ZNF521: variants seen among roughly 807,000 people sequenced by gnomAD.
ZNF521 encodes LYST-interacting protein 3.
In ZNF521, 14 loss-of-function variants were observed where a neutral mutation model predicts 105.5. The ratio of observed to expected loss-of-function variants is 0.13; its 90% confidence interval spans 0.09 to 0.21. The LOEUF (loss-of-function observed/expected upper bound fraction) is 0.21, where lower values mean the gene tolerates loss of function less well. Ranked by LOEUF, ZNF521 falls within the 10% of genes least tolerant of loss-of-function variation. ZNF521 has a pLI of 1.00. For synonymous variants in ZNF521, 635 were observed against 606.0 expected, an observed-to-expected ratio of 1.05 and a Z score of -0.70; for missense variants, 1,233 against 1,629.7, an observed-to-expected ratio of 0.76 and a Z score of 4.19.
chr18:25,142,450 C>A (rs1449488596), intron 5 of ZNF521, among the ~76,000 whole-genome samples: 1 of 152,170 alleles, frequency 6.6e-6, no homozygotes, highest in Non-Finnish European at 1.5e-5. Flanking sequence ...GAACTGGCCT[C>A]ATTCTCAGTG....
intron 4 of ZNF521, among the ~76,000 whole-genome samples, chr18:25,204,972 G>A (rs967111140): frequency 6.6e-6 from 1 of 151,838 alleles, no homozygotes. Flanking sequence ...ACTGACTGTT[G>A]AATGGACAAT....
In ZNF521 at chr18:25,312,762, G is replaced by A. The variant is rs1428660188; in HGVS notation, c.220+9246C>T. Among the ~76,000 whole-genome samples the A allele has an allele frequency of 1.9e-4, 7 of 36,444 alleles. 2 individuals carry two copies. The highest frequency in any genetic ancestry group is 4.2e-4 in the Non-Finnish European group (7 of 16,646). The allele number at this position is 36,444 out of a possible 152,430, so 23.9% of individuals were successfully genotyped here. On this transcript the variant is annotated intron_variant, in intron 3 of 7. Coordinates refer to ENST00000361524, the MANE Select transcript of ZNF521 (RefSeq NM_015461.3). ...GGAAGCGGAGCTTGCAGTGAGCCGAGATTGCGCCACTGCACTCCGCAGTCC... is the reference window on the plus strand; with the variant it reads ...GGAAGCGGAGCTTGCAGTGAGCCGAAATTGCGCCACTGCACTCCGCAGTCC...
At chr18:25,281,258 G>C (rs1232441757) in intron 3 of ZNF521, among the ~76,000 whole-genome samples, 3 of 152,196 alleles carry the variant, frequency 2.0e-5, no homozygotes, top group Non-Finnish European at 4.4e-5. Flanking sequence ...ACACACGTGA[G>C]GAAATTATGC....
chr18:25,200,158 A>G (rs1246154062), intron 4 of ZNF521, among the ~76,000 whole-genome samples: 1 of 152,122 alleles, frequency 6.6e-6, no homozygotes, highest in African/African-American at 2.4e-5. Flanking sequence ...TAAATTTACA[A>G]TTACATTTTA....
At chr18:25,182,890 T>C (rs1051068570) in intron 5 of ZNF521, among the ~76,000 whole-genome samples, 7 of 152,162 alleles carry the variant, frequency 4.6e-5, no homozygotes, top group Non-Finnish European at 8.8e-5. Context: ...CTGATAAGCA[T>C]GGAAAGGTTT....
At chr18:25,343,709 C>CA (rs1473913273) in intron 2 of ZNF521, among the ~76,000 whole-genome samples, 4 of 152,078 alleles carry the variant, frequency 2.6e-5, no homozygotes, top group Non-Finnish European at 5.9e-5. Flanking sequence ...AACACATACA[C>CA]ACATAAAAAT....
intron 5 of ZNF521, among the ~76,000 whole-genome samples, chr18:25,129,265 A>AATT (rs138672111): frequency 3.1e-3 from 96 of 30,790 alleles, no homozygotes; most frequent in Non-Finnish European, 0.01. Context: ...TAATAATAAT[A>AATT]ATTATTATTA....
rs200363160 is a variant in ZNF521 at position 25,338,413 on chromosome 18, A to AT, written c.40+12493dup. 1.8e-3 allele frequency among the ~76,000 whole-genome samples: 276 copies of AT among 149,390 alleles called. 1 individual carries two copies. The highest frequency in any genetic ancestry group is 6.2e-3 in the African/African-American group (253 of 40,742). On this transcript the variant is annotated intron_variant, in intron 2 of 7. Transcript: ENST00000361524. ...TCACAATCTTTCACAGTTTTTCTAC[A>AT]TTTTTTTTTTAAGTTTTGAGATGGG...
intron 5 of ZNF521, among the ~76,000 whole-genome samples, chr18:25,184,834 CA>C (rs1424326534): frequency 6.6e-6 from 1 of 152,084 alleles, no homozygotes; most frequent in Non-Finnish European, 1.5e-5. Flanking sequence ...ATTATGACAA[CA>C]AAAGGAGTAA....
At chr18:25,234,234 A>G (rs896739871) in intron 3 of ZNF521, among the ~76,000 whole-genome samples, 1 of 152,236 alleles carries the variant, frequency 6.6e-6, no homozygotes, top group Non-Finnish European at 1.5e-5. Context: ...ATCTGTTTAC[A>G]GTGCCGTGAC....
intron 4 of ZNF521, among the ~76,000 whole-genome samples, chr18:25,214,199 A>C (rs1267085232): frequency 6.6e-6 from 1 of 152,126 alleles, no homozygotes; most frequent in Non-Finnish European, 1.5e-5. Flanking sequence ...ACTTTACATG[A>C]ATAAAGTCAT....
At chr18:25,151,699 T>C (rs562756967) in intron 5 of ZNF521, among the ~76,000 whole-genome samples, 1 of 152,292 alleles carries the variant, frequency 6.6e-6, no homozygotes, top group South Asian at 2.1e-4. Context: ...AAGGCAGGCA[T>C]CATGCAGAAG....
intron 3 of ZNF521, among the ~76,000 whole-genome samples, chr18:25,294,242 T>C (rs1568061238): frequency 6.6e-6 from 1 of 152,192 alleles, no homozygotes; most frequent in African/African-American, 2.4e-5. Context: ...AAGACATGTA[T>C]ACTAATTTTT....
At chr18:25,070,781 C>T (rs1340786648) in intron 7 of ZNF521, among the ~76,000 whole-genome samples, 1 of 151,988 alleles carries the variant, frequency 6.6e-6, no homozygotes, top group Non-Finnish European at 1.5e-5. Context: ...ATCTCTCCCA[C>T]CAGGGAGATA....
At chr18:25,233,662 G>GTTTTT (rs373253299) in intron 3 of ZNF521, among the ~76,000 whole-genome samples, 2 of 114,452 alleles carry the variant, frequency 1.7e-5, no homozygotes, top group African/African-American at 3.2e-5. Flanking sequence ...AAGCTCAGAG[G>GTTTTT]TTTTTTTTTT....
rs184653973 is a variant in ZNF521, at chr18:25,078,000, C to T, written c.3906+11465G>A. On this transcript the variant is annotated intron_variant, in intron 7 of 7. Coordinates refer to ENST00000361524, the MANE Select transcript of ZNF521 (RefSeq NM_015461.3). Reference sequence around the variant, plus strand: ...AGTTTCTCATAAAATATCTGCAGTCCATCTATCTTTTAGTACTCCGGGCTC... The same window carrying T: ...AGTTTCTCATAAAATATCTGCAGTCTATCTATCTTTTAGTACTCCGGGCTC... 3.9e-3 allele frequency among the ~76,000 whole-genome samples: 588 copies of T among 152,188 alleles called. 4 individuals carry two copies. The highest frequency in any genetic ancestry group is 5.8e-3 in the Non-Finnish European group (394 of 68,004).
At chr18:25,323,542 A>G (rs183944324) in intron 2 of ZNF521, among the ~76,000 whole-genome samples, 14 of 151,984 alleles carry the variant, frequency 9.2e-5, no homozygotes, top group Admixed American at 3.9e-4. Context: ...CCTGGCCTCA[A>G]GCAATCCTCC....
intron 5 of ZNF521, among the ~76,000 whole-genome samples, chr18:25,098,281 C>G (rs1222390294): frequency 6.6e-6 from 1 of 152,106 alleles, no homozygotes; most frequent in Non-Finnish European, 1.5e-5. Context: ...TGGGGATAAG[C>G]ACACAGACTA....
intron 5 of ZNF521, among the ~76,000 whole-genome samples, chr18:25,158,732 G>C (rs771951063): frequency 3.9e-5 from 6 of 152,062 alleles, no homozygotes; most frequent in Non-Finnish European, 8.8e-5. Context: ...GAGGCAGGTG[G>C]ATCACTTGAG....
Sources: allele counts gnomAD v4.1 joint callset (sites outside exome capture counted in the v4.1 genomes callset), GRCh38; gene constraint gnomAD v4.1.1; transcripts MANE v1.5; gene names NCBI Gene and HGNC (gene_info 2026-07-23, HGNC 2026-07-21).